Variants in VPS13B observed in about 807,000 individuals in gnomAD.
VPS13B encodes the protein intermembrane lipid transfer protein VPS13B.
In VPS13B, 285 loss-of-function variants were observed where a neutral mutation model predicts 426.4. The observed-to-expected ratio is 0.67, with a 90% CI of 0.61 to 0.74. The LOEUF (loss-of-function observed/expected upper bound fraction) is 0.74, where lower values mean the gene tolerates loss of function less well. VPS13B is among the 30% of genes least tolerant of loss of function. VPS13B has a pLI of 0.00. For missense variants in VPS13B, 4,537 were observed against 4,782.6 expected, an observed-to-expected ratio of 0.95 and a Z score of 1.51; for synonymous variants, 1,676 against 1,676.4, an observed-to-expected ratio of 1.00 and a Z score of 0.01.
intron 33 of VPS13B, among the ~76,000 whole-genome samples, chr8:99,622,506 T>A (rs577177431): frequency 5.3e-5 from 8 of 152,344 alleles, no homozygotes; most frequent in Admixed American, 3.3e-4. Context: ...TATCCTGTAA[T>A]GGATACAAGG....
At chr8:99,480,251 A>G (rs1314936333) in intron 24 of VPS13B, among the ~76,000 whole-genome samples, 9 of 152,144 alleles carry the variant, frequency 5.9e-5, no homozygotes, top group Admixed American at 5.2e-4. Flanking sequence ...AAATAAAAAT[A>G]CGTTTAAAGT....
At chr8:99,735,055 C>G (rs1458636797) in intron 39 of VPS13B, among the ~76,000 whole-genome samples, 2 of 152,086 alleles carry the variant, frequency 1.3e-5, no homozygotes, top group African/African-American at 2.4e-5. Context: ...GACATGTGGG[C>G]TGATAATTCG....
At chr8:99,480,112 T>C (rs1180645295) in intron 24 of VPS13B, among the ~76,000 whole-genome samples, 3 of 152,252 alleles carry the variant, frequency 2.0e-5, no homozygotes, top group Non-Finnish European at 4.4e-5. Context: ...ATTGTGGCTT[T>C]ACTTGGCATA....
chr8:99,426,138 C>A (rs1816693303), intron 21 of VPS13B, among the ~76,000 whole-genome samples: 1 of 148,396 alleles, frequency 6.7e-6, no homozygotes, highest in Non-Finnish European at 1.5e-5. Context: ...GTTCAATTCC[C>A]ACCTATGAGT....
At chr8:99,742,330 T>C (rs533297408) in intron 39 of VPS13B, among the ~76,000 whole-genome samples, 1 of 152,292 alleles carries the variant, frequency 6.6e-6, no homozygotes, top group Non-Finnish European at 1.5e-5. Flanking sequence ...GAGGCAATAA[T>C]TAATAGCTTA....
chr8:99,014,893 A>G (rs892616676), intron 2 of VPS13B, among the ~76,000 whole-genome samples: 7 of 152,062 alleles, frequency 4.6e-5, no homozygotes, highest in African/African-American at 1.7e-4. Context: ...TCATTAATTC[A>G]TTTATTACAT....
chr8:99,305,501 TAG>T (rs1221152315), intron 19 of VPS13B, among the ~76,000 whole-genome samples: 4 of 152,092 alleles, frequency 2.6e-5, no homozygotes, highest in Non-Finnish European at 4.4e-5. Context: ...CTGGGGCTGC[TAG>T]ACCCAATCCC....
rs1161942735 is a variant in VPS13B, at chr8:99,875,529, T to A, written c.11857T>A (p.Cys3953Ser). 1 of 1,614,076 alleles carries A rather than the reference T, an allele frequency of 6.2e-7. No homozygotes were observed. The highest frequency in any genetic ancestry group is 1.1e-5 in the South Asian group (1 of 91,082). ...APSCSSMQIP[C>S]PVVAAEPPPS... is the part of the protein sequence containing the mutation. The stretch of plus-strand genomic sequence containing the variant: ...CAGCTGTTCTTCCATGCAAATACCA[T>A]GCCCTGTGGTGGCTGCAGAACCTCC... Residue 3953 changes from cysteine to serine, a missense_variant, in exon 62 of 62, where the codon TGC (cysteine) becomes AGC (serine). Physicochemically the swap from Cys to Ser is moderately radical, Grantham distance 112 (BLOSUM62 -1). This residue lies in a region of VPS13B where 4,311 missense variants were observed against 4,474.3 expected (regional missense o/e 0.96). Coordinates refer to ENST00000357162, the MANE Select transcript of VPS13B (RefSeq NM_152564.5).
chr8:99,876,152 G>GAGTT lies in VPS13B; in HGVS notation c.*488_*491dup, dbSNP rs1432102172. 9.4e-5 allele frequency: 16 copies of GAGTT among 169,842 alleles called. No individual in the cohort carries two copies. The highest frequency in any genetic ancestry group is 5.7e-4 in the South Asian group (4 of 7,036). The allele number at this position is 169,842 out of a possible 1,614,324, so 10.5% of individuals were successfully genotyped here. A position where few individuals can be genotyped will look rare whatever the true frequency, so the allele number is the denominator to read the frequency against. ...GGCCAGGCCTTACAATGGAGAGCCAGAGTTAAAACTTCAAGTTGCATCTGT... is the reference window on the plus strand; with the variant it reads ...GGCCAGGCCTTACAATGGAGAGCCAGAGTTAGTTAAAACTTCAAGTTGCATCTGT... On this transcript the variant is annotated 3_prime_UTR_variant, in exon 62 of 62. Coordinates refer to ENST00000357162, the MANE Select transcript of VPS13B (RefSeq NM_152564.5).
chr8:99,317,225 C>T (rs527519843), intron 19 of VPS13B, among the ~76,000 whole-genome samples: 45 of 152,284 alleles, frequency 3.0e-4, no homozygotes, highest in African/African-American at 1.1e-3. Context: ...GGGTATGGAT[C>T]TGAACTTTAG....
In VPS13B at chr8:99,569,460, AG is replaced by A. The variant is rs1311812252; in HGVS notation, c.4950-6197del. 2.4e-4 allele frequency among the ~76,000 whole-genome samples: 36 copies of A among 151,766 alleles called. No individual in the cohort carries two copies. In the South Asian group the frequency reaches 4.0e-3, roughly 17 times the overall value. On this transcript the variant is annotated intron_variant, in intron 31 of 61. Coordinates refer to ENST00000357162, the MANE Select transcript of VPS13B (RefSeq NM_152564.5). Reference sequence around the variant, plus strand: ...ATACACAAAAGGGAAAAAAAAAAAAAGAAAAAAGAATTGCTCTGTGCACACA... The same window carrying A: ...ATACACAAAAGGGAAAAAAAAAAAAAAAAAAAGAATTGCTCTGTGCACACA...
Position 99,480,840 on chromosome 8 carries a change from A to G in VPS13B, c.3667-759A>G, listed in dbSNP as rs374672974. Among the ~76,000 whole-genome samples, 13 of 152,306 alleles carry G rather than the reference A, an allele frequency of 8.5e-5. No homozygotes were observed. In the East Asian group the frequency reaches 2.3e-3, roughly 27 times the overall value. ...AGAATTTCACTTTTTTAAAATGGCA[A>G]GCAGAATATGGTGTCCAGCTGTGGA... On this transcript the variant is annotated intron_variant, in intron 24 of 61. Coordinates refer to ENST00000357162, the MANE Select transcript of VPS13B (RefSeq NM_152564.5).
intron 17 of VPS13B, among the ~76,000 whole-genome samples, chr8:99,250,524 A>G (rs1817444170): frequency 6.6e-6 from 1 of 151,598 alleles, no homozygotes; most frequent in South Asian, 2.1e-4. Context: ...GTTTTTGCCT[A>G]TGGCCTATTC....
At chr8:99,418,461 TTCTTTC>T (rs958444769) in intron 21 of VPS13B, among the ~76,000 whole-genome samples, 15 of 80,128 alleles carry the variant, frequency 1.9e-4, no homozygotes, top group African/African-American at 2.9e-4. Context: ...ATAGTTTTCT[TTCTTTC>T]TTTCTTTCTT....
intron 17 of VPS13B, among the ~76,000 whole-genome samples, chr8:99,223,224 A>G (rs1815827894): frequency 6.6e-6 from 1 of 152,200 alleles, no homozygotes; most frequent in Non-Finnish European, 1.5e-5. Flanking sequence ...CCACATATTT[A>G]TACACATGAT....
chr8:99,388,889 G>A (rs1019591399), intron 20 of VPS13B, among the ~76,000 whole-genome samples: 3 of 152,300 alleles, frequency 2.0e-5, no homozygotes, highest in Middle Eastern at 3.4e-3. Flanking sequence ...AGTGGCTCAC[G>A]CCTATAATCC....
At chr8:99,403,792 T>C (rs1435804205) in intron 21 of VPS13B, among the ~76,000 whole-genome samples, 1 of 152,222 alleles carries the variant, frequency 6.6e-6, no homozygotes, top group East Asian at 1.9e-4. Flanking sequence ...AGTTTGTACG[T>C]ACTAATTTTT....
intron 39 of VPS13B, among the ~76,000 whole-genome samples, chr8:99,723,806 A>C (rs1291309774): frequency 1.3e-5 from 2 of 152,216 alleles, no homozygotes; most frequent in African/African-American, 4.8e-5. Flanking sequence ...ATATGTGGGC[A>C]AAATTCAAAG....
intron 16 of VPS13B, among the ~76,000 whole-genome samples, chr8:99,175,959 C>T (rs113483328): frequency 0.032 from 4,919 of 152,160 alleles, 115 homozygotes; most frequent in Non-Finnish European, 0.047. Flanking sequence ...GTTGCTACTG[C>T]GGTGAGCTTT....
Sources: allele counts gnomAD v4.1 joint callset (sites outside exome capture counted in the v4.1 genomes callset), GRCh38; gene constraint gnomAD v4.1.1; regional missense constraint gnomAD v4.1.1; transcripts MANE v1.5; gene names NCBI Gene and HGNC (gene_info 2026-07-23, HGNC 2026-07-21).